GPC6: variants seen among roughly 807,000 people sequenced by gnomAD.
The protein encoded by GPC6 is glypican-6.
In GPC6, 14 loss-of-function variants were observed where a neutral mutation model predicts 55.2. The observed-to-expected ratio is 0.25, with a 90% CI of 0.17 to 0.40. The LOEUF (loss-of-function observed/expected upper bound fraction) is 0.40. GPC6 is among the 10% of genes least tolerant of loss of function. The probability of loss-of-function intolerance (pLI) is 1.00; values close to 1 mark genes in which losing one functional copy is unlikely to be tolerated. For synonymous variants in GPC6, 278 were observed against 259.6 expected (o/e 1.07, Z -0.68); for missense variants, 641 against 708.5 (o/e 0.90, Z 1.08).
At chr13:94,351,983 G>GAAAAAAAAAAAAAAAAAAA (rs1878571913) in intron 6 of GPC6, among the ~76,000 whole-genome samples, 1 of 135,444 alleles carries the variant, frequency 7.4e-6, no homozygotes, top group African/African-American at 2.8e-5. Context: ...AAAAAAAAAA[G>GAAAAAAAAAAAAAAAAAAA]AAAAAGAAAA....
At chr13:93,936,799 A>G (rs906398692) in intron 3 of GPC6, among the ~76,000 whole-genome samples, 2 of 152,222 alleles carry the variant, frequency 1.3e-5, no homozygotes, top group Admixed American at 1.3e-4. Flanking sequence ...GATTCTATAA[A>G]TTATCTTCAG....
chr13:94,306,290 G>T, intron 6 of GPC6, 167 bp downstream of exon 6: 1 of 747,678 alleles, frequency 1.3e-6, no homozygotes. Context: ...CTTTCTTTTG[G>T]GTCATGTATT....
chr13:93,839,095 A>G (rs141774436), intron 3 of GPC6, among the ~76,000 whole-genome samples: 4 of 152,168 alleles, frequency 2.6e-5, no homozygotes, highest in African/African-American at 9.6e-5. Flanking sequence ...ACTGTGGCAG[A>G]TAGTTAAGTG....
chr13:94,277,144 T>G (rs1052369925), intron 4 of GPC6, among the ~76,000 whole-genome samples: 1 of 152,242 alleles, frequency 6.6e-6, no homozygotes, highest in East Asian at 1.9e-4. Context: ...TGGCGTCAGA[T>G]GGTATCTCAC....
chr13:93,915,945 A>G (rs1315848877), intron 3 of GPC6, among the ~76,000 whole-genome samples: 1 of 152,164 alleles, frequency 6.6e-6, no homozygotes, highest in Admixed American at 6.5e-5. Context: ...AGCGCCCCTT[A>G]GGTGAGCCAT....
intron 6 of GPC6, among the ~76,000 whole-genome samples, chr13:94,368,303 T>C (rs1879376740): frequency 1.3e-5 from 2 of 152,062 alleles, no homozygotes; most frequent in African/African-American, 4.8e-5. Context: ...CTCTGTAAAA[T>C]GCTGGGTGTA....
chr13:93,317,808 AGTCT>A (rs1193098271), intron 1 of GPC6, among the ~76,000 whole-genome samples: 1 of 152,168 alleles, frequency 6.6e-6, no homozygotes, highest in Non-Finnish European at 1.5e-5. Flanking sequence ...CTTGTTATAC[AGTCT>A]GTCTTTTTTC....
chr13:93,268,327 TC>T (rs1309862914), intron 1 of GPC6, among the ~76,000 whole-genome samples: 1 of 152,160 alleles, frequency 6.6e-6, no homozygotes, highest in Non-Finnish European at 1.5e-5. Context: ...TAACGAAAAC[TC>T]TGCCCAGTTC....
chr13:93,589,091 G>GA (rs1566438261), intron 2 of GPC6, among the ~76,000 whole-genome samples: 1 of 152,050 alleles, frequency 6.6e-6, no homozygotes, highest in Non-Finnish European at 1.5e-5. Context: ...TTTTCATTTT[G>GA]AAATAGTTTT....
rs1331601050 is a variant in GPC6 at position 94,404,300 on chromosome 13, A to G, written c.*1083A>G. 1 of 152,178 alleles carries G rather than the reference A, an allele frequency of 6.6e-6. No individual in the cohort carries two copies. Among genetic ancestry groups the G allele is most frequent in the African/African-American group, 2.4e-5 (1 of 41,454 alleles). The allele number at this position is 152,178 out of a possible 1,614,324, so 9.4% of individuals were successfully genotyped here. On this transcript the variant is annotated 3_prime_UTR_variant, in exon 9 of 9. Coordinates refer to ENST00000377047, the MANE Select transcript of GPC6 (RefSeq NM_005708.5). ...CAACTCACAACAGAAAAAAAAAGTC[A>G]AGACAAAAAATATATATATATAGTA...
At chr13:94,091,192 T>C (rs1387966161) in intron 4 of GPC6, among the ~76,000 whole-genome samples, 4 of 152,156 alleles carry the variant, frequency 2.6e-5, no homozygotes, top group Non-Finnish European at 5.9e-5. Flanking sequence ...GAGAAAGTAA[T>C]AATATCATCT....
intron 2 of GPC6, among the ~76,000 whole-genome samples, chr13:93,747,352 TGAAAA>T (rs562421305): frequency 1.3e-5 from 2 of 152,120 alleles, no homozygotes; most frequent in South Asian, 2.1e-4. Flanking sequence ...AAATAAATAA[TGAAAA>T]GAAGAGACTG....
rs371221901 is a variant in GPC6, at chr13:93,592,526, G to C, written c.319+47105G>C. Among the ~76,000 whole-genome samples, 3 of 150,740 alleles carry C rather than the reference G, an allele frequency of 2.0e-5. No homozygotes were observed. In the East Asian group the frequency reaches 5.8e-4, roughly 29 times the overall value. ...AGCCTCCCAAAGTGCTGGGATTACA[G>C]GTGTAGCCACCACACCCGGCCCTCT... On this transcript the variant is annotated intron_variant, in intron 2 of 8. Transcript: ENST00000377047.
At chr13:94,180,814 A>G (rs1339039186) in intron 4 of GPC6, among the ~76,000 whole-genome samples, 1 of 152,184 alleles carries the variant, frequency 6.6e-6, no homozygotes, top group Non-Finnish European at 1.5e-5. Context: ...TTGTAAATGT[A>G]TGTATCATCT....
At chr13:93,765,308 T>TTCCAGATAAGCTGTCTGGAAGGAC in intron 2 of GPC6, among the ~76,000 whole-genome samples, 1 of 148,686 alleles carries the variant, frequency 6.7e-6, no homozygotes, top group Non-Finnish European at 1.5e-5. Flanking sequence ...AAAGACAACT[T>TTCCAGATAAGCTGTCTGGAAGGAC]ATTTGGTTTA....
chr13:94,323,011 G>A (rs1221695100), intron 6 of GPC6, among the ~76,000 whole-genome samples: 1 of 151,954 alleles, frequency 6.6e-6, no homozygotes, highest in Non-Finnish European at 1.5e-5. Flanking sequence ...AGACAGACAG[G>A]GAGCAAGTGA....
At chr13:93,778,058 C>T (rs1885524081) in intron 2 of GPC6, among the ~76,000 whole-genome samples, 1 of 152,038 alleles carries the variant, frequency 6.6e-6, no homozygotes. Flanking sequence ...TAATTGAGGG[C>T]AATTATTGAA....
intron 1 of GPC6, among the ~76,000 whole-genome samples, chr13:93,533,325 A>C (rs1416966268): frequency 6.6e-6 from 1 of 152,192 alleles, no homozygotes; most frequent in Non-Finnish European, 1.5e-5. Flanking sequence ...ACTCTAGCTA[A>C]ATTCTAAAGT....
chr13:94,253,411 G>A lies in GPC6; in HGVS notation c.878-32938G>A, dbSNP rs192365906. ...TTGAGAACTGCCCTGTAATAATACT[G>A]CGTTTATCTCAACGGTTCTTCTTTT... is the stretch of plus-strand genomic sequence containing the variant. On this transcript the variant is annotated intron_variant, in intron 4 of 8. Coordinates refer to ENST00000377047, the MANE Select transcript of GPC6 (RefSeq NM_005708.5). Among the ~76,000 whole-genome samples, 106 of 152,178 alleles carry A rather than the reference G, an allele frequency of 7.0e-4. 1 individual carries two copies. Among genetic ancestry groups the A allele is most frequent in the African/African-American group, 2.3e-3 (97 of 41,542 alleles).
Sources: allele counts gnomAD v4.1 joint callset (sites outside exome capture counted in the v4.1 genomes callset), GRCh38; gene constraint gnomAD v4.1.1; transcripts MANE v1.5; gene names NCBI Gene and HGNC (gene_info 2026-07-23, HGNC 2026-07-21).